The following DEPDC4 variants were observed in gnomAD, a reference collection of about 807,000 sequenced individuals.
DEPDC4 encodes DEP domain-containing protein 4.
DEPDC4 carries 52 observed loss-of-function variants against 52.0 expected under a neutral mutation model. The ratio of observed to expected loss-of-function variants is 1.00; its 90% CI spans 0.80 to 1.26. The LOEUF (loss-of-function observed/expected upper bound fraction) is 1.26. DEPDC4 is among the 50% of genes most tolerant of loss of function. DEPDC4 has a pLI of 0.00. For missense variants in DEPDC4, 530 were observed against 546.9 expected, an observed-to-expected ratio of 0.97 and a Z score of 0.31; for synonymous variants, 201 against 196.8, an observed-to-expected ratio of 1.02 and a Z score of -0.18.
In DEPDC4 at chr12:100,263,501, A is replaced by G; in HGVS notation, c.550T>C (p.Leu184=). The part of the protein sequence containing the change: ...KDAENEFNET[L]RPGYEMISNP... The stretch of plus-strand genomic sequence containing the variant: ...AGTATCTTAGGTAACACTAACCTCA[A>G]GGTTTCATTGAACTCATTCTCAGCA... Residue 184 remains leucine, a synonymous_variant, in exon 2 of 10, where the codon TTG becomes CTG. Transcript: ENST00000550587. 1.3e-6 allele frequency: 2 copies of G among 1,577,412 alleles called. No homozygotes were observed. Among genetic ancestry groups the G allele is most frequent in the Non-Finnish European group, 1.7e-6 (2 of 1,164,894 alleles).
In DEPDC4 at chr12:100,242,574, A is replaced by C. The variant is rs2096164236; in HGVS notation, c.1454-5T>G. On this transcript the variant is annotated splice_region_variant and splice_polypyrimidine_tract_variant and intron_variant, in intron 8 of 9. Transcript: ENST00000550587. ...AGCTGTTATTTTCAGCCATACCTTAAAGATAAAGAAATAAAGCTTGACCAC... is the reference window on the plus strand; with the variant it reads ...AGCTGTTATTTTCAGCCATACCTTACAGATAAAGAAATAAAGCTTGACCAC... The C allele has an allele frequency of 6.5e-6, 1 of 154,808 alleles. No individual in the cohort carries two copies. Among genetic ancestry groups the C allele is most frequent in the South Asian group, 2.0e-4 (1 of 4,924 alleles). 9.6% of individuals were successfully genotyped at this position (154,808 alleles called of 1,614,324 possible).
Position 100,240,402 on chromosome 12 carries a change from G to A in DEPDC4, c.*1490C>T, listed in dbSNP as rs2096153838. 6.6e-6 allele frequency among the ~76,000 whole-genome samples: 1 copy of A among 152,064 alleles called. No homozygotes were observed. Among genetic ancestry groups the A allele is most frequent in the East Asian group, 1.9e-4 (1 of 5,170 alleles). ...CTGGTCTTGAACTCCTGGACTTAAA[G>A]CAATCCCCTCTCCCTGGCCTCCCAA... On this transcript the variant is annotated 3_prime_UTR_variant, in exon 10 of 10. Transcript: ENST00000550587.
Position 100,253,750 on chromosome 12 carries a change from G to T in DEPDC4, c.879-35C>A, listed in dbSNP as rs1450119891. On this transcript the variant is annotated intron_variant, in intron 4 of 9. Coordinates refer to ENST00000550587, the MANE Select transcript of DEPDC4 (RefSeq NM_001364818.2). The stretch of plus-strand genomic sequence containing the variant: ...AAATGCAAACCAAAATAAAGCAATG[G>T]TTAACATTTCCATTTAACTAAAGCA... The T allele has an allele frequency of 1.5e-5, 17 of 1,143,796 alleles. No homozygotes were observed. In the Admixed American group the frequency reaches 4.3e-4, roughly 29 times the overall value. The allele number at this position is 1,143,796 out of a possible 1,614,324, so 70.9% of individuals were successfully genotyped here.
At chr12:100,240,020 T>G (rs1313668265), downstream of DEPDC4, among the ~76,000 whole-genome samples, 2 of 152,212 alleles carry the variant, frequency 1.3e-5, no homozygotes, top group Non-Finnish European at 2.9e-5. Flanking sequence ...TAATTCAAGA[T>G]GACTGATAAA....
chr12:100,267,167 C>G (rs1016951338), upstream of DEPDC4: 32 of 1,426,178 alleles, frequency 2.2e-5, no homozygotes, highest in Middle Eastern at 2.3e-4. Flanking sequence ...CCCCGGCCGG[C>G]AGGTCTTTTA....
intron 7 of DEPDC4, among the ~76,000 whole-genome samples, chr12:100,250,659 A>G (rs947661418): frequency 6.6e-6 from 1 of 152,188 alleles, no homozygotes; most frequent in Non-Finnish European, 1.5e-5. Flanking sequence ...GGGTAGAGTG[A>G]GAAAGAGGAA....
chr12:100,234,048 G>C (rs11110306), intron 9 of DEPDC4, among the ~76,000 whole-genome samples: 9,637 of 152,128 alleles, frequency 0.063, 339 homozygotes, highest in Middle Eastern at 0.14. Flanking sequence ...TTGAGGCTGT[G>C]GTGAGCCATG....
upstream of DEPDC4, among the ~76,000 whole-genome samples, chr12:100,271,847 T>A (rs1229019127): frequency 6.6e-6 from 1 of 152,236 alleles, no homozygotes; most frequent in Non-Finnish European, 1.5e-5. Flanking sequence ...TTTGTAGTCA[T>A]GTTATTTGAA....
At chr12:100,248,024 T>C (rs2096193135) in intron 8 of DEPDC4, among the ~76,000 whole-genome samples, 1 of 152,152 alleles carries the variant, frequency 6.6e-6, no homozygotes, top group African/African-American at 2.4e-5. Context: ...AATAATAATA[T>C]TAATATGCCT....
upstream of DEPDC4, among the ~76,000 whole-genome samples, chr12:100,271,194 A>G (rs993852182): frequency 1.4e-5 from 2 of 147,428 alleles, no homozygotes; most frequent in Admixed American, 7.0e-5. Context: ...GCAGAAATGT[A>G]TATTTCAAGA....
chr12:100,258,010 T>C (rs889296136), intron 3 of DEPDC4, among the ~76,000 whole-genome samples: 9 of 138,948 alleles, frequency 6.5e-5, no homozygotes, highest in Non-Finnish European at 1.0e-4. Context: ...GATAGATAGA[T>C]AGATAGATAG....
chr12:100,262,747 C>T (rs117660940), intron 2 of DEPDC4, among the ~76,000 whole-genome samples: 2,432 of 152,212 alleles, frequency 0.016, 19 homozygotes, highest in Non-Finnish European at 0.021. Context: ...ATATCCATTC[C>T]TTAGAAGACA....
chr12:100,255,160 C>A (rs538037769), intron 4 of DEPDC4, among the ~76,000 whole-genome samples: 6 of 152,200 alleles, frequency 3.9e-5, no homozygotes, highest in Non-Finnish European at 7.3e-5. Context: ...AGCTAATCTG[C>A]CCTTTTTGCC....
chr12:100,235,363 T>A (rs991982099), downstream of DEPDC4, among the ~76,000 whole-genome samples: 2 of 151,484 alleles, frequency 1.3e-5, no homozygotes, highest in African/African-American at 4.8e-5. Context: ...TTTTTTTTTT[T>A]TTTTATTCTC....
In DEPDC4 at chr12:100,267,008, A is replaced by G; in HGVS notation, c.69T>C (p.Leu23=). 2.5e-6 allele frequency: 4 copies of G among 1,614,084 alleles called. No homozygotes were observed. Among genetic ancestry groups the G allele is most frequent in the East Asian group, 4.5e-5 (2 of 44,872 alleles). Residue 23 remains leucine, a synonymous_variant, in exon 1 of 10, where the codon CTT becomes CTC. Transcript: ENST00000550587. The part of the protein sequence containing the change: ...AVLLTPRFRR[L]VSQNELPGPG... ...GGCCCGGAAGCTCGTTCTGACTGAC[A>G]AGTCTACGGAACCTCGGAGTCAAAA...
intron 9 of DEPDC4, among the ~76,000 whole-genome samples, chr12:100,233,119 A>C (rs2096136944): frequency 6.6e-6 from 1 of 152,214 alleles, no homozygotes; most frequent in African/African-American, 2.4e-5. Flanking sequence ...CGAGTCAAAC[A>C]CAGGTGGGTC....
At position 100,240,343 on chromosome 12, in the gene DEPDC4, T is replaced by G. The variant is rs908877885; in HGVS notation, c.*1549A>C. On this transcript the variant is annotated 3_prime_UTR_variant, in exon 10 of 10. Transcript: ENST00000550587. ...CTAAATTTTTTTTTTGTAGTTTTTG[T>G]AGAGATAGGGGCAGGGTCTCACTAT... 2.6e-5 allele frequency among the ~76,000 whole-genome samples: 4 copies of G among 152,008 alleles called. No individual in the cohort carries two copies. Among genetic ancestry groups the G allele is most frequent in the African/African-American group, 9.7e-5 (4 of 41,408 alleles).
downstream of DEPDC4, among the ~76,000 whole-genome samples, chr12:100,237,138 T>A (rs1205613927): frequency 6.6e-6 from 1 of 152,134 alleles, no homozygotes; most frequent in Non-Finnish European, 1.5e-5. Flanking sequence ...ATTTGTTCTT[T>A]TTGCTTAGTC....
upstream of DEPDC4, among the ~76,000 whole-genome samples, chr12:100,271,229 C>T (rs1274920402): frequency 7.4e-6 from 1 of 135,760 alleles, no homozygotes; most frequent in African/African-American, 2.9e-5. Flanking sequence ...CAACTCTGGC[C>T]TTAAAGTTAG....
Sources: gnomAD v4.1 joint callset for allele counts (sites outside exome capture counted in the v4.1 genomes callset) on GRCh38, gnomAD v4.1.1 for gene constraint, MANE v1.5 for transcripts, NCBI Gene and HGNC (gene_info 2026-07-23, HGNC 2026-07-21) for gene names.